Variants in OR1J2 observed in about 807,000 individuals in gnomAD.
The protein encoded by OR1J2 is olfactory receptor 1J2.
For synonymous variants in OR1J2, 142 were observed against 99.7 expected (o/e 1.42, Z -2.52); for missense variants, 304 against 246.1 (o/e 1.24, Z -1.57).
the OR1J2 span, chr9:122,553,393 C>A: frequency 1.9e-6 from 3 of 1,614,168 alleles, no homozygotes; most frequent in South Asian, 3.3e-5. Flanking sequence ...CTCCATACTC[C>A]CATGTACTTC....
the OR1J2 span, among the ~76,000 whole-genome samples, chr9:122,460,601 T>C: frequency 2.0e-5 from 3 of 152,190 alleles, no homozygotes; most frequent in Non-Finnish European, 4.4e-5. Context: ...TGTGCTCTTT[T>C]TTTGGTTCCA....
chr9:122,460,494 T>A, the OR1J2 span, among the ~76,000 whole-genome samples: 2 of 152,302 alleles, frequency 1.3e-5, no homozygotes, highest in East Asian at 1.9e-4. Context: ...ACCAGTACCA[T>A]ACTGTTTTGG....
the OR1J2 span, among the ~76,000 whole-genome samples, chr9:122,469,811 T>A: frequency 1.3e-5 from 2 of 152,178 alleles, no homozygotes; most frequent in Non-Finnish European, 2.9e-5. Flanking sequence ...AGTTGACTCT[T>A]GTTATGTTTT....
At chr9:122,473,957 G>C in the OR1J2 span, among the ~76,000 whole-genome samples, 1 of 152,142 alleles carries the variant, frequency 6.6e-6, no homozygotes, top group African/African-American at 2.4e-5. Context: ...CGAGCAAGAT[G>C]GTATCTGTGC....
chr9:122,567,588 A>G, the OR1J2 span: 1 of 1,605,990 alleles, frequency 6.2e-7, no homozygotes, highest in Admixed American at 1.7e-5. Flanking sequence ...GCCCTGTTTC[A>G]GGTCTTTGTT....
the OR1J2 span, among the ~76,000 whole-genome samples, chr9:122,458,070 T>G: frequency 6.6e-6 from 1 of 152,180 alleles, no homozygotes; most frequent in Non-Finnish European, 1.5e-5. Context: ...ATTTTCCCCT[T>G]TGTCTGATGA....
the OR1J2 span, among the ~76,000 whole-genome samples, chr9:122,541,871 A>G: frequency 3.3e-5 from 5 of 152,224 alleles, no homozygotes; most frequent in Admixed American, 2.6e-4. Flanking sequence ...AGCAAAGTCC[A>G]TGAATCTGAA....
At chr9:122,493,842 C>T in the OR1J2 span, among the ~76,000 whole-genome samples, 1 of 152,108 alleles carries the variant, frequency 6.6e-6, no homozygotes, top group Non-Finnish European at 1.5e-5. Flanking sequence ...ATGCTATGAA[C>T]TCTCCTCTTA....
the OR1J2 span, among the ~76,000 whole-genome samples, chr9:122,561,810 A>G: frequency 3.3e-5 from 5 of 152,186 alleles, no homozygotes; most frequent in Non-Finnish European, 7.4e-5. Flanking sequence ...GGTCTCACCC[A>G]GTTGGTGGCA....
chr9:122,454,344 C>T, the OR1J2 span, among the ~76,000 whole-genome samples: 2 of 152,122 alleles, frequency 1.3e-5, no homozygotes, highest in African/African-American at 4.8e-5. Context: ...TAGTGAAACC[C>T]TGTCTCTACT....
the OR1J2 span, among the ~76,000 whole-genome samples, chr9:122,464,232 A>G: frequency 1.5e-3 from 222 of 152,326 alleles, 2 homozygotes; most frequent in Admixed American, 2.1e-3. Flanking sequence ...GAAAGCCGGC[A>G]GTCACAGGTC....
At chr9:122,524,779 G>C in the OR1J2 span, among the ~76,000 whole-genome samples, 4 of 152,122 alleles carry the variant, frequency 2.6e-5, no homozygotes, top group East Asian at 1.9e-4. Context: ...AGGGTATCAG[G>C]GTGGACATAG....
chr9:122,505,042 T>C, the OR1J2 span, among the ~76,000 whole-genome samples: 1 of 152,172 alleles, frequency 6.6e-6, no homozygotes, highest in Non-Finnish European at 1.5e-5. Flanking sequence ...ACTTCAATGA[T>C]ACTGAGTTGA....
chr9:122,550,562 T>A, the OR1J2 span, among the ~76,000 whole-genome samples: 4 of 73,014 alleles, frequency 5.5e-5, no homozygotes, highest in African/African-American at 2.6e-4. Context: ...ATCAAGTGGG[T>A]TTTTTTTTTG....
At chr9:122,575,096 T>C in the OR1J2 span, among the ~76,000 whole-genome samples, 8 of 152,110 alleles carry the variant, frequency 5.3e-5, no homozygotes, top group African/African-American at 1.9e-4. Flanking sequence ...TGGATTCAAT[T>C]TGCAAACATT....
chr9:122,531,994 G>A, the OR1J2 span, among the ~76,000 whole-genome samples: 47 of 149,650 alleles, frequency 3.1e-4, no homozygotes, highest in African/African-American at 1.1e-3. Context: ...GCAAATCCCT[G>A]AGCTTGATGT....
the OR1J2 span, among the ~76,000 whole-genome samples, chr9:122,458,459 GA>G: frequency 5.3e-5 from 8 of 152,076 alleles, no homozygotes; most frequent in Non-Finnish European, 7.4e-5. Context: ...AATTTATAAA[GA>G]AAAAAAGGTT....
chr9:122,553,608 C>G, the OR1J2 span: 1 of 1,614,020 alleles, frequency 6.2e-7, no homozygotes, highest in African/African-American at 1.3e-5. Flanking sequence ...CTGCCAACCA[C>G]TCCATTACAG....
At chr9:122,509,350 A>G (rs1828589397), upstream of OR1J2, among the ~76,000 whole-genome samples, 1 of 152,208 alleles carries the variant, frequency 6.6e-6, no homozygotes, top group African/African-American at 2.4e-5. Context: ...CCATCTTTTG[A>G]TAATAGCCTT....
Sources: allele counts gnomAD v4.1 joint callset (sites outside exome capture counted in the v4.1 genomes callset), GRCh38; gene constraint gnomAD v4.1.1; transcripts MANE v1.5; gene names NCBI Gene and HGNC (gene_info 2026-07-23, HGNC 2026-07-21).